The following TTC34 variants were observed in gnomAD, a reference collection of about 807,000 sequenced individuals.
TTC34 encodes the protein tetratricopeptide repeat domain 34, also known as tetratricopeptide repeat protein 34.
In TTC34, 44 loss-of-function variants were observed where a neutral mutation model predicts 40.7. That is an observed-to-expected ratio of 1.08 (90% CI 0.85 to 1.39). The LOEUF is 1.39. Among genes scored for constraint, TTC34 ranks in the 40% most tolerant of loss-of-function variants. The pLI is 0.00. For synonymous variants in TTC34, 422 were observed against 398.6 expected, an observed-to-expected ratio of 1.06 and a Z score of -0.70; for missense variants, 884 against 838.0, an observed-to-expected ratio of 1.05 and a Z score of -0.68.
At chr1:2,688,693 C>T (rs1640486365) in intron 6 of TTC34, among the ~76,000 whole-genome samples, 1 of 135,606 alleles carries the variant, frequency 7.4e-6, no homozygotes, top group Non-Finnish European at 1.5e-5. Flanking sequence ...ACCCTGCACC[C>T]CCAGGAGAGC....
exon 8 of TTC34, chr1:2,644,285 C>T (rs763839696): frequency 2.4e-5 from 37 of 1,534,692 alleles, no homozygotes; most frequent in Middle Eastern, 1.8e-4. Context: ...TCTGCCGCTC[C>T]GAGGCCTCCA....
At chr1:2,792,231 C>T (rs1322242167) in intron 2 of TTC34, among the ~76,000 whole-genome samples, 3 of 151,372 alleles carry the variant, frequency 2.0e-5, no homozygotes, top group Non-Finnish European at 4.4e-5. Context: ...ACTTCTGGGC[C>T]CAGGTGATCC....
chr1:2,783,499 A>G (rs1643520177), intron 6 of TTC34, 110 bp downstream of exon 6: 3 of 1,136,890 alleles, frequency 2.6e-6, no homozygotes, highest in Non-Finnish European at 3.4e-6. Flanking sequence ...TGGGCATCTC[A>G]CTGCTCAGGA....
At chr1:2,790,613 A>T (rs1643652983) in intron 2 of TTC34, among the ~76,000 whole-genome samples, 1 of 152,220 alleles carries the variant, frequency 6.6e-6, no homozygotes, top group Admixed American at 6.5e-5. Context: ...CCTGCCAGCG[A>T]CACTGTGCTC....
At chr1:2,688,593 C>G (rs573439256) in intron 6 of TTC34, among the ~76,000 whole-genome samples, 2 of 137,734 alleles carry the variant, frequency 1.5e-5, no homozygotes, top group Non-Finnish European at 3.0e-5. Context: ...ATCCGACAGC[C>G]TGGAGCAGCA....
intron 6 of TTC34, among the ~76,000 whole-genome samples, chr1:2,753,008 T>C (rs1416809951): frequency 4.7e-4 from 34 of 72,856 alleles, no homozygotes; most frequent in Admixed American, 4.3e-4. Flanking sequence ...TGGAATGGCA[T>C]CCTCACCTCC....
At chr1:2,769,704 A>AC (rs1641989393) in intron 6 of TTC34, among the ~76,000 whole-genome samples, 1 of 106,858 alleles carries the variant, frequency 9.4e-6, no homozygotes, top group African/African-American at 4.3e-5. Flanking sequence ...CTGGAGCAGC[A>AC]CCCACACCCC....
intron 6 of TTC34, among the ~76,000 whole-genome samples, chr1:2,749,806 C>A (rs1641258180): frequency 1.7e-5 from 2 of 119,614 alleles, no homozygotes; most frequent in Non-Finnish European, 3.4e-5. Context: ...CACCCACACC[C>A]CCAGGTGAGC....
chr1:2,779,321 A>ATT (rs112410867), intron 6 of TTC34, among the ~76,000 whole-genome samples: 1 of 148,468 alleles, frequency 6.7e-6, no homozygotes, highest in African/African-American at 2.5e-5. Flanking sequence ...TGGTAGTTCT[A>ATT]TTTTTTTTTT....
rs1423252444 is a variant in TTC34, at chr1:2,751,889, C to A, written c.2226+31720G>T. 1.7e-4 allele frequency among the ~76,000 whole-genome samples: 14 copies of A among 83,350 alleles called. 1 individual carries two copies. Among genetic ancestry groups the A allele is most frequent in the Non-Finnish European group, 2.6e-4 (11 of 42,976 alleles). The allele number at this position is 83,350 out of a possible 152,430, so 54.7% of individuals were successfully genotyped here. A position where few individuals can be genotyped will look rare whatever the true frequency, so the allele number is the denominator to read the frequency against. On this transcript the variant is annotated intron_variant, in intron 6 of 8. Coordinates refer to ENST00000401095, the Ensembl canonical transcript of TTC34. Reference sequence around the variant, plus strand: ...CCGACAGCCTGGAGCAGCACCCACACCCCCAGGTGAGCATCTGATGGTCTG... The same window carrying A: ...CCGACAGCCTGGAGCAGCACCCACAACCCCAGGTGAGCATCTGATGGTCTG...
intron 4 of TTC34, 49 bp downstream of exon 4, chr1:2,787,432 A>G: frequency 2.1e-6 from 3 of 1,433,690 alleles, no homozygotes; most frequent in Non-Finnish European, 2.8e-6. Context: ...CCCTCTTCCC[A>G]GCTGGGCCCA....
At chr1:2,657,419 A>G (rs1570766093) in intron 6 of TTC34, among the ~76,000 whole-genome samples, 2 of 86,694 alleles carry the variant, frequency 2.3e-5, no homozygotes, top group African/African-American at 7.2e-5. Context: ...CAGTACCAGT[A>G]CCCCCAGGCG....
chr1:2,773,026 G>T (rs1298657137), intron 6 of TTC34, among the ~76,000 whole-genome samples: 1 of 150,500 alleles, frequency 6.6e-6, no homozygotes, highest in Non-Finnish European at 1.5e-5. Flanking sequence ...ACCCCCAGGC[G>T]AGCATCTGAC....
chr1:2,760,878 CCA>C lies in TTC34; in HGVS notation c.2226+22729_2226+22730del, dbSNP rs1447709425. Among the ~76,000 whole-genome samples the C allele has an allele frequency of 2.2e-4, 6 of 27,560 alleles. 1 individual carries two copies. The highest frequency in any genetic ancestry group is 3.3e-4 in the Non-Finnish European group (6 of 18,278). The allele number at this position is 27,560 out of a possible 152,430, so 18.1% of individuals were successfully genotyped here. On this transcript the variant is annotated intron_variant, in intron 6 of 8. Coordinates refer to ENST00000401095, the Ensembl canonical transcript of TTC34. ...AGCATCTGACAGCCTGGAGCAGCTCCCACACACCCAGGTAAGCATCTGACAGC... is the reference window on the plus strand; with the variant it reads ...AGCATCTGACAGCCTGGAGCAGCTCCCACACCCAGGTAAGCATCTGACAGC...
At chr1:2,751,663 G>C (rs1641324740) in intron 6 of TTC34, among the ~76,000 whole-genome samples, 18 of 99,886 alleles carry the variant, frequency 1.8e-4, no homozygotes, top group East Asian at 3.5e-4. Flanking sequence ...GTTGAGCATT[G>C]GACAGCCTGG....
At chr1:2,789,763 C>A (rs1484388887) in exon 3 of TTC34, 5 of 623,250 alleles carry the variant, frequency 8.0e-6, no homozygotes, top group Non-Finnish European at 2.5e-6. Flanking sequence ...CCCGGCCGCA[C>A]AGCGCGCGCA....
intron 6 of TTC34, among the ~76,000 whole-genome samples, chr1:2,651,899 T>A (rs1345338254): frequency 2.0e-5 from 3 of 151,790 alleles, no homozygotes; most frequent in East Asian, 1.9e-4. Context: ...GGTGAGCAGC[T>A]GAGAAACTAA....
chr1:2,683,431 A>ACC, intron 6 of TTC34, among the ~76,000 whole-genome samples: 1 of 128,382 alleles, frequency 7.8e-6, no homozygotes. Flanking sequence ...ACCACCCTTC[A>ACC]CCCCCAGGTG....
In TTC34 at chr1:2,792,033, T is replaced by TTTTTA. The variant is rs1553171534; in HGVS notation, c.785-1688_785-1687insTAAAA. Among the ~76,000 whole-genome samples the TTTTTA allele has an allele frequency of 8.9e-4, 95 of 107,156 alleles. 9 individuals carry two copies. The highest frequency in any genetic ancestry group is 1.8e-3 in the Admixed American group (18 of 9,858). 70.3% of individuals were successfully genotyped at this position (107,156 alleles called of 152,430 possible). The stretch of plus-strand genomic sequence containing the variant: ...TTTTTTTTTTTTTTTTTTTTTTTTT[T>TTTTTA]AAAGACAGGGTCTTGCTCCATCACC... On this transcript the variant is annotated intron_variant, in intron 2 of 8. Coordinates refer to ENST00000401095, the Ensembl canonical transcript of TTC34.
Sources: gnomAD v4.1 joint callset for allele counts (sites outside exome capture counted in the v4.1 genomes callset) on GRCh38, gnomAD v4.1.1 for gene constraint, MANE v1.5 for transcripts, NCBI Gene and HGNC (gene_info 2026-07-23, HGNC 2026-07-21) for gene names.